ANTXR2: variants seen among roughly 807,000 people sequenced by gnomAD.
The protein encoded by ANTXR2 is anthrax toxin receptor 2.
In ANTXR2, 44 loss-of-function variants were observed where a neutral mutation model predicts 73.7. The ratio of observed to expected loss-of-function variants is 0.60; its 90% CI spans 0.47 to 0.77. The LOEUF (loss-of-function observed/expected upper bound fraction) is 0.77, where lower values mean the gene tolerates loss of function less well. Among genes scored for constraint, ANTXR2 ranks in the 30% least tolerant of loss-of-function variants. ANTXR2 has a pLI of 0.00. For missense variants in ANTXR2, 604 were observed against 592.5 expected (o/e 1.02, Z -0.20); for synonymous variants, 217 against 205.9 (o/e 1.05, Z -0.46).
intron 12 of ANTXR2, among the ~76,000 whole-genome samples, chr4:79,995,011 A>G (rs891637936): frequency 2.6e-5 from 4 of 151,886 alleles, no homozygotes; most frequent in African/African-American, 9.7e-5. Flanking sequence ...CCCAAATACA[A>G]TGATCATTTT....
chr4:80,011,269 T>TGCTA (rs1731560765), intron 11 of ANTXR2, among the ~76,000 whole-genome samples: 1 of 140,076 alleles, frequency 7.1e-6, no homozygotes, highest in African/African-American at 2.6e-5. Flanking sequence ...AACCTGGTCT[T>TGCTA]GCTATCTATC....
At chr4:80,030,037 T>C (rs1276618227) in intron 10 of ANTXR2, among the ~76,000 whole-genome samples, 1 of 151,948 alleles carries the variant, frequency 6.6e-6, no homozygotes, top group East Asian at 1.9e-4. Flanking sequence ...ACAAGATCAC[T>C]CTTGTGAAGG....
At chr4:80,054,383 G>C in intron 6 of ANTXR2, 31 bp from the exon 7 acceptor site, 1 of 1,480,230 alleles carries the variant, frequency 6.8e-7, no homozygotes, top group East Asian at 2.3e-5. Flanking sequence ...CTTAATTAAG[G>C]AGTGGCTGAC....
chr4:80,053,515 C>T (rs1057312939), intron 7 of ANTXR2, among the ~76,000 whole-genome samples: 11 of 151,528 alleles, frequency 7.3e-5, no homozygotes, highest in African/African-American at 2.4e-4. Context: ...ATATTTTTTC[C>T]CCTGAAGATT....
At chr4:79,952,597 T>G (rs969071682) in intron 16 of ANTXR2, among the ~76,000 whole-genome samples, 1 of 152,000 alleles carries the variant, frequency 6.6e-6, no homozygotes, top group African/African-American at 2.4e-5. Context: ...AGTTTTAATA[T>G]TCATCTGTAA....
intron 10 of ANTXR2, among the ~76,000 whole-genome samples, chr4:80,020,973 C>A (rs1233788745): frequency 6.6e-6 from 1 of 151,466 alleles, no homozygotes; most frequent in Non-Finnish European, 1.5e-5. Flanking sequence ...ACGGTGAAAC[C>A]CCGTCTCTAC....
chr4:79,959,572 CAGAATT>C (rs1193810869), intron 16 of ANTXR2, among the ~76,000 whole-genome samples: 7 of 152,274 alleles, frequency 4.6e-5, no homozygotes, highest in Admixed American at 1.3e-4. Flanking sequence ...AGACTGTACC[CAGAATT>C]AGAAAGTTAA....
chr4:80,002,800 A>C (rs1731112058), intron 12 of ANTXR2, among the ~76,000 whole-genome samples: 1 of 151,788 alleles, frequency 6.6e-6, no homozygotes, highest in African/African-American at 2.4e-5. Flanking sequence ...GCCAAAAAAC[A>C]CATGAAAAAA....
chr4:79,937,511 C>T (rs1051684187), intron 16 of ANTXR2, among the ~76,000 whole-genome samples: 2 of 152,104 alleles, frequency 1.3e-5, no homozygotes, highest in Non-Finnish European at 2.9e-5. Context: ...CTCTAATTTG[C>T]AATTTGTATC....
At position 80,055,457 on chromosome 4, in the gene ANTXR2, T is replaced by C; in HGVS notation, c.389A>G (p.Gln130Arg). 1 of 1,609,656 alleles carries C rather than the reference T, an allele frequency of 6.2e-7. No homozygotes were observed. Among genetic ancestry groups the C allele is most frequent in the Non-Finnish European group, 8.5e-7 (1 of 1,177,362 alleles). Reference protein sequence around the residue: ...IHEGLKLANEQIQKAGGLKTS... With the variant: ...IHEGLKLANERIQKAGGLKTS... ...TTTCAAGCCTCCTGCTTTCTGAATT[T>C]GTTCATTCGCCTGAAAATGAAGAAT... is the stretch of plus-strand genomic sequence containing the variant. Residue 130 changes from glutamine (Q) to arginine (R), a missense_variant, in exon 5 of 17, where the codon CAA (glutamine) becomes CGA (arginine). By Grantham distance (43) the Gln-to-Arg change is conservative. Transcript: ENST00000403729.
At chr4:79,986,425 T>A (rs531677128) in intron 12 of ANTXR2, among the ~76,000 whole-genome samples, 15 of 152,330 alleles carry the variant, frequency 9.8e-5, no homozygotes, top group Non-Finnish European at 2.9e-5. Context: ...ATTACTATGA[T>A]CATGGATATA....
At chr4:79,988,794 A>AAT in intron 12 of ANTXR2, among the ~76,000 whole-genome samples, 1 of 151,992 alleles carries the variant, frequency 6.6e-6, no homozygotes, top group Non-Finnish European at 1.5e-5. Context: ...TACCAATCAC[A>AAT]CTAGCAGAAC....
chr4:79,907,520 G>C (rs1206893900), intron 16 of ANTXR2, 53 bp from the exon 17 acceptor site: 2 of 1,537,934 alleles, frequency 1.3e-6, no homozygotes, highest in African/African-American at 2.7e-5. Context: ...ATTTAAAAAA[G>C]CATGAGAACA....
At chr4:80,071,999 G>A (rs138579247) in intron 1 of ANTXR2, among the ~76,000 whole-genome samples, 163 of 152,262 alleles carry the variant, frequency 1.1e-3, no homozygotes, top group African/African-American at 3.7e-3. Context: ...TTAACCCTAG[G>A]CTTTTCCTGG....
chr4:79,931,900 C>T (rs868712608), intron 16 of ANTXR2, among the ~76,000 whole-genome samples: 1 of 152,220 alleles, frequency 6.6e-6, no homozygotes, highest in Admixed American at 6.5e-5. Context: ...TAGCTACTGA[C>T]TCTGCCCAAC....
intron 3 of ANTXR2, among the ~76,000 whole-genome samples, chr4:80,066,020 A>G (rs1734479735): frequency 6.6e-6 from 1 of 152,228 alleles, no homozygotes; most frequent in Non-Finnish European, 1.5e-5. Context: ...ACTGATCTGC[A>G]TATAATATGC....
intron 2 of ANTXR2, among the ~76,000 whole-genome samples, chr4:80,070,282 T>C (rs1012621024): frequency 6.6e-6 from 1 of 152,350 alleles, no homozygotes; most frequent in Admixed American, 6.5e-5. Flanking sequence ...CTTCCTACAA[T>C]GTATTGTTAG....
chr4:79,944,877 G>A (rs1355534996), intron 16 of ANTXR2, among the ~76,000 whole-genome samples: 1 of 152,076 alleles, frequency 6.6e-6, no homozygotes, highest in Admixed American at 6.6e-5. Flanking sequence ...GGAAGATAAA[G>A]AAATTTAATT....
chr4:79,923,009 C>T (rs1286042475), intron 16 of ANTXR2, among the ~76,000 whole-genome samples: 1 of 152,036 alleles, frequency 6.6e-6, no homozygotes, highest in East Asian at 1.9e-4. Context: ...CATCTTCTTT[C>T]CTAGACTGTA....
Sources: allele counts gnomAD v4.1 joint callset (sites outside exome capture counted in the v4.1 genomes callset), GRCh38; gene constraint gnomAD v4.1.1; transcripts MANE v1.5; gene names NCBI Gene and HGNC (gene_info 2026-07-23, HGNC 2026-07-21).